CFAP299: variants seen among roughly 807,000 people sequenced by gnomAD.
CFAP299 encodes cilia- and flagella-associated protein 299.
CFAP299 carries 21 observed loss-of-function variants against 27.0 expected under a neutral mutation model. That is an observed-to-expected ratio of 0.78 (90% CI 0.55 to 1.12). CFAP299 has a LOEUF of 1.12. CFAP299 is among the 50% of genes most tolerant of loss of function. CFAP299 has a pLI of 0.00. For missense variants in CFAP299, 310 were observed against 276.6 expected, an observed-to-expected ratio of 1.12 and a Z score of -0.86; for synonymous variants, 104 against 98.1, an observed-to-expected ratio of 1.06 and a Z score of -0.36.
intron 2 of CFAP299, among the ~76,000 whole-genome samples, chr4:80,468,868 A>G (rs575267535): frequency 3.0e-4 from 46 of 151,340 alleles, no homozygotes; most frequent in Non-Finnish European, 6.2e-4. Flanking sequence ...AGTAAGAACC[A>G]AAGTGAGAAT....
chr4:80,374,321 A>T (rs1578369065), intron 2 of CFAP299, among the ~76,000 whole-genome samples: 1 of 151,954 alleles, frequency 6.6e-6, no homozygotes, highest in Admixed American at 6.6e-5. Flanking sequence ...TTCTTATCAG[A>T]CCTACCATGT....
chr4:80,590,081 TG>T (rs1437352886), intron 3 of CFAP299, among the ~76,000 whole-genome samples: 1 of 152,102 alleles, frequency 6.6e-6, no homozygotes, highest in Non-Finnish European at 1.5e-5. Flanking sequence ...ATTCTTACAA[TG>T]GGATATTATA....
chr4:80,909,935 T>TA (rs747331291), intron 4 of CFAP299, among the ~76,000 whole-genome samples: 2 of 152,130 alleles, frequency 1.3e-5, no homozygotes, highest in Admixed American at 1.3e-4. Flanking sequence ...TAACTTATAA[T>TA]TAACTGATGA....
chr4:80,541,449 C>T (rs1469228199), intron 2 of CFAP299, among the ~76,000 whole-genome samples: 2 of 152,106 alleles, frequency 1.3e-5, no homozygotes, highest in African/African-American at 2.4e-5. Flanking sequence ...ATTTTTGATG[C>T]AGTATTATAT....
At chr4:80,563,130 A>C (rs919214555) in intron 2 of CFAP299, among the ~76,000 whole-genome samples, 1 of 152,122 alleles carries the variant, frequency 6.6e-6, no homozygotes. Flanking sequence ...TCAGCATTGG[A>C]TAGATCATCC....
At chr4:80,393,285 G>A (rs751014853) in intron 2 of CFAP299, among the ~76,000 whole-genome samples, 3 of 152,214 alleles carry the variant, frequency 2.0e-5, no homozygotes, top group East Asian at 1.9e-4. Context: ...GTAAAAAATT[G>A]TAAAAGTTTA....
intron 2 of CFAP299, among the ~76,000 whole-genome samples, chr4:80,442,645 G>C (rs187573025): frequency 1.3e-4 from 19 of 150,968 alleles, no homozygotes; most frequent in African/African-American, 3.1e-4. Flanking sequence ...AGAGAAACAA[G>C]AGCAAATTCA....
chr4:80,639,117 T>C (rs1487174197), intron 3 of CFAP299, among the ~76,000 whole-genome samples: 5 of 152,142 alleles, frequency 3.3e-5, no homozygotes, highest in Admixed American at 6.6e-5. Context: ...CATCTCCAAA[T>C]ACCATACATC....
intron 3 of CFAP299, among the ~76,000 whole-genome samples, chr4:80,618,413 T>C (rs1738406692): frequency 6.6e-6 from 1 of 152,142 alleles, no homozygotes; most frequent in African/African-American, 2.4e-5. Context: ...AGTATGTACT[T>C]TGATAATAAT....
At chr4:80,692,796 A>G (rs1275811663) in intron 3 of CFAP299, among the ~76,000 whole-genome samples, 1 of 152,206 alleles carries the variant, frequency 6.6e-6, no homozygotes, top group Non-Finnish European at 1.5e-5. Flanking sequence ...CAACCTACTC[A>G]TCTGACAAAG....
intron 3 of CFAP299, among the ~76,000 whole-genome samples, chr4:80,821,701 C>G (rs1368786668): frequency 7.9e-5 from 12 of 152,262 alleles, no homozygotes; most frequent in African/African-American, 2.6e-4. Flanking sequence ...TTTTCATTTC[C>G]TTGACCCATT....
At chr4:80,473,266 C>T (rs1247250942) in intron 2 of CFAP299, among the ~76,000 whole-genome samples, 2 of 152,014 alleles carry the variant, frequency 1.3e-5, no homozygotes, top group Non-Finnish European at 2.9e-5. Context: ...AGGCGAGGAT[C>T]AGGGAAAAGA....
At chr4:80,686,519 AT>A (rs1184687054) in intron 3 of CFAP299, among the ~76,000 whole-genome samples, 1 of 152,200 alleles carries the variant, frequency 6.6e-6, no homozygotes, top group African/African-American at 2.4e-5. Context: ...CATTTATTAT[AT>A]TTATACAAAT....
chr4:80,729,172 G>A (rs1210836430), intron 3 of CFAP299, among the ~76,000 whole-genome samples: 1 of 152,192 alleles, frequency 6.6e-6, no homozygotes, highest in African/African-American at 2.4e-5. Flanking sequence ...CTCTTAGGCA[G>A]AGCAGTAGTT....
chr4:80,395,675 A>G (rs1290646033), intron 2 of CFAP299, among the ~76,000 whole-genome samples: 2 of 152,126 alleles, frequency 1.3e-5, no homozygotes, highest in Non-Finnish European at 2.9e-5. Context: ...TATTAGATAA[A>G]AGATCTGATT....
intron 3 of CFAP299, among the ~76,000 whole-genome samples, chr4:80,745,476 A>G (rs1724530943): frequency 6.6e-6 from 1 of 152,154 alleles, no homozygotes; most frequent in East Asian, 1.9e-4. Flanking sequence ...TATTGTATTT[A>G]GTTTGATAAT....
intron 5 of CFAP299, among the ~76,000 whole-genome samples, chr4:80,960,994 T>C (rs1412773604): frequency 6.6e-6 from 1 of 151,758 alleles, no homozygotes; most frequent in Admixed American, 6.6e-5. Context: ...AGAAATCATC[T>C]ATATATCAAG....
intron 3 of CFAP299, among the ~76,000 whole-genome samples, chr4:80,737,110 C>T (rs190629303): frequency 0.018 from 2,579 of 142,740 alleles, 54 homozygotes; most frequent in Admixed American, 0.068. Flanking sequence ...GGGAACTGAA[C>T]AACGAGAACA....
At chr4:80,506,704 G>C (rs1003643074) in intron 2 of CFAP299, among the ~76,000 whole-genome samples, 3 of 152,022 alleles carry the variant, frequency 2.0e-5, no homozygotes, top group Non-Finnish European at 4.4e-5. Context: ...AAACATCTCA[G>C]CTCCTAATCT....
Sources: allele counts gnomAD v4.1 joint callset (sites outside exome capture counted in the v4.1 genomes callset), GRCh38; gene constraint gnomAD v4.1.1; transcripts MANE v1.5; gene names NCBI Gene and HGNC (gene_info 2026-07-23, HGNC 2026-07-21).